SGK1: variants seen among roughly 807,000 people sequenced by gnomAD.
The protein encoded by SGK1 is serine/threonine-protein kinase Sgk1.
In SGK1, 26 loss-of-function variants were observed where a neutral mutation model predicts 64.2. The ratio of observed to expected loss-of-function variants is 0.40; its 90% CI spans 0.30 to 0.56. The LOEUF (loss-of-function observed/expected upper bound fraction) is 0.56, where lower values mean the gene tolerates loss of function less well. Among genes scored for constraint, SGK1 ranks in the 20% least tolerant of loss-of-function variants. The pLI, the probability that SGK1 is intolerant of heterozygous loss-of-function variation, is 0.38. For missense variants in SGK1, 519 were observed against 645.6 expected (o/e 0.80, Z 2.12); for synonymous variants, 265 against 239.7 (o/e 1.11, Z -0.98).
At chr6:134,175,651 A>C in intron 3 of SGK1, 2 of 1,520,226 alleles carry the variant, frequency 1.3e-6, no homozygotes, top group Non-Finnish European at 1.8e-6. Flanking sequence ...CGCGCCCTGC[A>C]TCTCCCCCAT....
chr6:134,196,063 C>G (rs912610051), intron 3 of SGK1, among the ~76,000 whole-genome samples: 1 of 152,012 alleles, frequency 6.6e-6, no homozygotes, highest in African/African-American at 2.4e-5. Context: ...TTATAAATAC[C>G]TTTACTGCAT....
chr6:134,267,232 A>T, intron 1 of SGK1, among the ~76,000 whole-genome samples: 2 of 148,826 alleles, frequency 1.3e-5, no homozygotes, highest in Admixed American at 6.7e-5. Context: ...TTATTTTTAT[A>T]TTTTCTTTTT....
At chr6:134,256,386 A>C (rs1306772669) in intron 2 of SGK1, among the ~76,000 whole-genome samples, 1 of 151,268 alleles carries the variant, frequency 6.6e-6, no homozygotes, top group Non-Finnish European at 1.5e-5. Context: ...GTGTGTGTGT[A>C]TGTGTGTGTG....
rs577730355 is a variant in SGK1 at position 134,228,102 on chromosome 6, C to G, written c.286-20671G>C. On this transcript the variant is annotated intron_variant, in intron 2 of 13. Coordinates refer to ENST00000367858, the MANE Select transcript of SGK1 (RefSeq NM_001143676.3). ...TCCCGAGTAGCTGGGATTACAGGTG[C>G]CTGCCAGCATGCCCAGCTAATTTTT... is the stretch of plus-strand genomic sequence containing the variant. 2.6e-5 allele frequency among the ~76,000 whole-genome samples: 4 copies of G among 152,006 alleles called. No individual in the cohort carries two copies. In the South Asian group the frequency reaches 6.2e-4, roughly 24 times the overall value.
chr6:134,281,639 T>C (rs1435174897), intron 1 of SGK1, among the ~76,000 whole-genome samples: 1 of 151,704 alleles, frequency 6.6e-6, no homozygotes, highest in East Asian at 1.9e-4. Context: ...CATCTTAGCC[T>C]ATTGAGTAGC....
intron 1 of SGK1, among the ~76,000 whole-genome samples, chr6:134,292,648 T>G (rs1279116721): frequency 6.6e-6 from 1 of 152,166 alleles, no homozygotes; most frequent in Non-Finnish European, 1.5e-5. Context: ...AAGGAATTAT[T>G]TTACAAACAT....
chr6:134,250,550 C>A (rs1776591936), intron 2 of SGK1, among the ~76,000 whole-genome samples: 1 of 152,110 alleles, frequency 6.6e-6, no homozygotes, highest in Non-Finnish European at 1.5e-5. Context: ...TGTGTCTCAG[C>A]ACATTTAGGT....
At chr6:134,177,853 T>G (rs999248228) in intron 3 of SGK1, 1 of 1,594,726 alleles carries the variant, frequency 6.3e-7, no homozygotes, top group African/African-American at 1.3e-5. Context: ...GCTATCCCTG[T>G]TCTGTTATGA....
intron 1 of SGK1, among the ~76,000 whole-genome samples, chr6:134,270,220 A>G (rs1489176492): frequency 6.8e-6 from 1 of 147,938 alleles, no homozygotes. Flanking sequence ...GAGCCACCGC[A>G]CCAGGCCTAT....
intron 3 of SGK1, among the ~76,000 whole-genome samples, chr6:134,190,764 GAATT>G (rs1775497692): frequency 6.6e-6 from 1 of 152,124 alleles, no homozygotes; most frequent in African/African-American, 2.4e-5. Context: ...TAATGTTAAA[GAATT>G]AATATTACAT....
At chr6:134,171,385 G>A in intron 11 of SGK1, 2 of 617,696 alleles carry the variant, frequency 3.2e-6, no homozygotes, top group Non-Finnish European at 5.7e-6. Context: ...GAGGGTGAGG[G>A]GGTAGATGTT....
At chr6:134,174,903 G>A (rs1775172519) in intron 3 of SGK1, 2 of 1,575,072 alleles carry the variant, frequency 1.3e-6, no homozygotes. Flanking sequence ...AAAAGGCACC[G>A]CCGCGGGGGC....
intron 3 of SGK1, among the ~76,000 whole-genome samples, chr6:134,194,228 C>A (rs1157019158): frequency 6.6e-6 from 1 of 151,634 alleles, no homozygotes; most frequent in East Asian, 1.9e-4. Context: ...TTTGTTACAA[C>A]TAGCTGAGTC....
intron 2 of SGK1, among the ~76,000 whole-genome samples, chr6:134,251,683 C>A (rs1459831178): frequency 1.3e-5 from 2 of 152,142 alleles, no homozygotes; most frequent in African/African-American, 4.8e-5. Context: ...ACGAGTGCAG[C>A]CAGAAACTTG....
intron 2 of SGK1, among the ~76,000 whole-genome samples, chr6:134,212,046 T>G (rs1004341211): frequency 1.3e-5 from 1 of 75,402 alleles, no homozygotes; most frequent in Non-Finnish European, 2.8e-5. Context: ...TGTTTTTTTG[T>G]TTTTTGTTTT....
rs918616402 is a variant in SGK1, at chr6:134,250,210, C to T, written c.285+11723G>A. Reference sequence around the variant, plus strand: ...TCAAGGCCAATGAACATTGGAAAAGCAAACTAAAATGATAGATAGCAAGCT... The same window carrying T: ...TCAAGGCCAATGAACATTGGAAAAGTAAACTAAAATGATAGATAGCAAGCT... On this transcript the variant is annotated intron_variant, in intron 2 of 13. Coordinates refer to ENST00000367858, the MANE Select transcript of SGK1 (RefSeq NM_001143676.3). Among the ~76,000 whole-genome samples the T allele has an allele frequency of 5.5e-4, 83 of 152,292 alleles. 1 individual carries two copies. The highest frequency in any genetic ancestry group is 1.8e-3 in the African/African-American group (76 of 41,568).
At position 134,226,416 on chromosome 6, in the gene SGK1, G is replaced by A. The variant is rs1325888279; in HGVS notation, c.286-18985C>T. 3.3e-5 allele frequency among the ~76,000 whole-genome samples: 5 copies of A among 151,530 alleles called. No homozygotes were observed. The South Asian group carries it at 8.3e-4, about 25-fold the overall frequency. ...TGTTTTTGTTTTTTTAAATAGAGAC[G>A]GGGCCGAGTGCAGTGGCGCATGCTA... On this transcript the variant is annotated intron_variant, in intron 2 of 13. Coordinates refer to ENST00000367858, the MANE Select transcript of SGK1 (RefSeq NM_001143676.3).
At chr6:134,208,676 C>T (rs1775831649) in intron 2 of SGK1, among the ~76,000 whole-genome samples, 1 of 151,876 alleles carries the variant, frequency 6.6e-6, no homozygotes, top group Non-Finnish European at 1.5e-5. Context: ...TAATGGTCTC[C>T]AATTCCATCC....
At chr6:134,217,378 G>A (rs936745573) in intron 2 of SGK1, among the ~76,000 whole-genome samples, 9 of 152,176 alleles carry the variant, frequency 5.9e-5, no homozygotes, top group African/African-American at 9.6e-5. Context: ...TGCAGAATGC[G>A]TGTGGGCCCT....
Sources: gnomAD v4.1 joint callset for allele counts (sites outside exome capture counted in the v4.1 genomes callset) on GRCh38, gnomAD v4.1.1 for gene constraint, MANE v1.5 for transcripts, NCBI Gene and HGNC (gene_info 2026-07-23, HGNC 2026-07-21) for gene names.